TMC2: variants seen among roughly 807,000 people sequenced by gnomAD.
The protein encoded by TMC2 is transmembrane channel-like protein 2.
A neutral mutation model predicts 105.9 loss-of-function variants in TMC2; 102 were observed. The observed-to-expected ratio is 0.96, with a 90% confidence interval of 0.82 to 1.14. The LOEUF is 1.14. TMC2 is among the 50% of genes most tolerant of loss of function. The probability of loss-of-function intolerance (pLI) is 0.00; values close to 1 mark genes in which losing one functional copy is unlikely to be tolerated. For synonymous variants in TMC2, 402 were observed against 422.8 expected, an observed-to-expected ratio of 0.95 and a Z score of 0.60; for missense variants, 1,093 against 1,134.3, an observed-to-expected ratio of 0.96 and a Z score of 0.52.
intron 2 of TMC2, among the ~76,000 whole-genome samples, chr20:2,549,611 C>T (rs1446499867): frequency 7.9e-5 from 12 of 151,408 alleles, no homozygotes; most frequent in Admixed American, 7.2e-4. Context: ...GGCATGGTGG[C>T]GTGTGCCTGT....
Position 2,594,967 on chromosome 20 carries a change from C to G in TMC2, c.1076C>G (p.Ser359Trp). The G allele has an allele frequency of 6.2e-7, 1 of 1,612,828 alleles. No homozygotes were observed. The highest frequency in any genetic ancestry group is 8.5e-7 in the Non-Finnish European group (1 of 1,179,406). ...FGYSLIIVIR[S>W]MASNTQGSTG... ...TACAGCCTGATTATTGTCATTCGAT[C>G]GTAAGTATGACCGTCTCATCCGCAG... Residue 359 changes from serine to tryptophan, a missense_variant and splice_region_variant, in exon 9 of 20, where the codon TCG becomes TGG. Transcript: ENST00000358864.
At chr20:2,573,177 T>C (rs1254048293) in intron 5 of TMC2, among the ~76,000 whole-genome samples, 1 of 152,192 alleles carries the variant, frequency 6.6e-6, no homozygotes, top group Non-Finnish European at 1.5e-5. Flanking sequence ...CTTGCCCATG[T>C]TTCTACATGC....
intron 11 of TMC2, among the ~76,000 whole-genome samples, chr20:2,609,957 C>T (rs534026700): frequency 7.7e-4 from 118 of 152,272 alleles, no homozygotes; most frequent in African/African-American, 2.6e-3. Context: ...AAGCAATTCT[C>T]CTGCCTCAGC....
intron 9 of TMC2, among the ~76,000 whole-genome samples, chr20:2,595,766 G>T (rs780116540): frequency 6.6e-5 from 2 of 30,388 alleles, no homozygotes; most frequent in Non-Finnish European, 1.3e-4. Flanking sequence ...TCCCAGAAGA[G>T]GGTGGCTGTG....
chr20:2,623,252 G>A (rs1335837661), intron 16 of TMC2, among the ~76,000 whole-genome samples: 1 of 151,926 alleles, frequency 6.6e-6, no homozygotes, highest in Non-Finnish European at 1.5e-5. Flanking sequence ...GAGAATAATT[G>A]TCAGGCCGGG....
intron 16 of TMC2, among the ~76,000 whole-genome samples, chr20:2,622,849 T>C (rs1434556318): frequency 6.6e-6 from 1 of 152,162 alleles, no homozygotes. Flanking sequence ...ACACTCAATG[T>C]TTTATATCAA....
At chr20:2,636,074 G>T in intron 18 of TMC2, 70 bp downstream of exon 18, 3 of 1,333,270 alleles carry the variant, frequency 2.3e-6, no homozygotes, top group Non-Finnish European at 3.2e-6. Context: ...CTAATTTGCT[G>T]TGTGAGCCCA....
rs1439329638 is a variant in TMC2 at position 2,579,824 on chromosome 20, A to C, written c.728-126A>C. ...CTCAGGTTATTTATCCAGGAAAAGA[A>C]AGGGAGATCCAGGTGTCATTCAACA... On this transcript the variant is annotated intron_variant, in intron 6 of 19. Transcript: ENST00000358864. 1.2e-5 allele frequency: 7 copies of C among 594,658 alleles called. No homozygotes were observed. The Admixed American group carries it at 2.2e-4, about 19-fold the overall frequency. The allele number at this position is 594,658 out of a possible 1,614,324, so 36.8% of individuals were successfully genotyped here.
At chr20:2,590,384 T>A (rs891502448) in intron 7 of TMC2, among the ~76,000 whole-genome samples, 4 of 152,156 alleles carry the variant, frequency 2.6e-5, no homozygotes, top group African/African-American at 7.2e-5. Flanking sequence ...AGTGGATATA[T>A]AGTAGTTAAT....
Position 2,592,444 on chromosome 20 carries a change from T to A in TMC2, c.933+36T>A. 7.2e-7 allele frequency: 1 copy of A among 1,393,254 alleles called. No homozygotes were observed. Among genetic ancestry groups the A allele is most frequent in the Non-Finnish European group, 1.0e-6 (1 of 978,534 alleles). The allele number at this position is 1,393,254 out of a possible 1,614,324, so 86.3% of individuals were successfully genotyped here. Reference sequence around the variant, plus strand: ...CAACATGCCAATGAACTTCCATTTGTGATTATAAAGGCTAAAGATTGCATG... The same window carrying A: ...CAACATGCCAATGAACTTCCATTTGAGATTATAAAGGCTAAAGATTGCATG... On this transcript the variant is annotated intron_variant, in intron 8 of 19. Coordinates refer to ENST00000358864, the MANE Select transcript of TMC2 (RefSeq NM_080751.3). This position sits in a 1 kb window ranked among gnomAD's most constrained non-coding sequence, Gnocchi z 4.9.
At chr20:2,575,859 TG>T (rs928652735) in intron 5 of TMC2, among the ~76,000 whole-genome samples, 42 of 152,354 alleles carry the variant, frequency 2.8e-4, no homozygotes, top group Admixed American at 7.8e-4. Flanking sequence ...TTTTGTCTAA[TG>T]TTTTTTTCAT....
chr20:2,548,933 C>T lies in TMC2; in HGVS notation c.83-9523C>T, dbSNP rs144136066. 1.2e-4 allele frequency among the ~76,000 whole-genome samples: 19 copies of T among 152,286 alleles called. No homozygotes were observed. The East Asian group carries it at 2.3e-3, about 19-fold the overall frequency. On this transcript the variant is annotated intron_variant, in intron 2 of 19. Coordinates refer to ENST00000358864, the MANE Select transcript of TMC2 (RefSeq NM_080751.3). ...ACAACATACTCAAGTAGAATAAAAA[C>T]GTAAGCTAGTCTTTTACTTAATGCT...
In TMC2 at chr20:2,602,281, A is replaced by G. The variant is rs756166682; in HGVS notation, c.1393A>G (p.Ser465Gly). 1.2e-6 allele frequency: 2 copies of G among 1,603,850 alleles called. No individual in the cohort carries two copies. The highest frequency in any genetic ancestry group is 3.4e-5 in the Admixed American group (2 of 57,990). Residue 465 changes from serine (S) to glycine (G), a missense_variant, in exon 11 of 20, where the codon AGC becomes GGC. Ser to Gly is a moderately conservative substitution (Grantham distance 56, BLOSUM62 0). Coordinates refer to ENST00000358864, the MANE Select transcript of TMC2 (RefSeq NM_080751.3). ...SQQFSKMQNV[S>G]WYERNEVEIV... ...GCAATTCTCCAAAATGCAGAATGTC[A>G]GCTGGTATGAAAGGAATGAGGTAAG...
intron 4 of TMC2, 86 bp from the exon 5 acceptor site, chr20:2,572,093 C>A: frequency 1.0e-6 from 1 of 992,986 alleles, no homozygotes; most frequent in South Asian, 1.3e-5. Context: ...CATAAGCCTT[C>A]ACACATGTGT....
intron 7 of TMC2, among the ~76,000 whole-genome samples, chr20:2,589,325 G>GTGTGTGTGTGTGTGT (rs2086253293): frequency 3.5e-5 from 1 of 28,690 alleles, no homozygotes; most frequent in African/African-American, 1.9e-4. Flanking sequence ...TGTGTGTGTG[G>GTGTGTGTGTGTGTGT]AGATGGGGTT....
At chr20:2,624,062 C>T (rs531647812) in intron 16 of TMC2, among the ~76,000 whole-genome samples, 30 of 152,336 alleles carry the variant, frequency 2.0e-4, no homozygotes, top group Non-Finnish European at 2.6e-4. Context: ...GCCGGTGAGC[C>T]GTGTGCCGAC....
Position 2,565,616 on chromosome 20 carries a change from TAA to T in TMC2, c.554+3608_554+3609del, listed in dbSNP as rs544801113. On this transcript the variant is annotated intron_variant, in intron 4 of 19. Coordinates refer to ENST00000358864, the MANE Select transcript of TMC2 (RefSeq NM_080751.3). ...CCAGTATGATTTCTTCTTCTGAAAATAAAGTCTCCAGTTGCAGACGGCATCCC... is the reference window on the plus strand; with the variant it reads ...CCAGTATGATTTCTTCTTCTGAAAATAGTCTCCAGTTGCAGACGGCATCCC... 2.0e-4 allele frequency among the ~76,000 whole-genome samples: 30 copies of T among 152,288 alleles called. No individual in the cohort carries two copies. In the East Asian group the frequency reaches 4.8e-3, roughly 24 times the overall value.
At chr20:2,572,090 C>T in intron 4 of TMC2, 89 bp from the exon 5 acceptor site, 2 of 971,422 alleles carry the variant, frequency 2.1e-6, no homozygotes, top group Non-Finnish European at 1.6e-6. Context: ...AGACATAAGC[C>T]TTCACACATG....
rs567511477 is a variant in TMC2, at chr20:2,623,317, C to G, written c.2181-954C>G. Among the ~76,000 whole-genome samples the G allele has an allele frequency of 2.6e-5, 4 of 152,076 alleles. No individual in the cohort carries two copies. In the East Asian group the frequency reaches 7.7e-4, roughly 29 times the overall value. On this transcript the variant is annotated intron_variant, in intron 16 of 19. Transcript: ENST00000358864. ...CTTTGGGAGGCTGAGGTGGGCGGAT[C>G]ATTTGAGGTCAGAAGTTTGAGAGCA...
Sources: allele counts gnomAD v4.1 joint callset (sites outside exome capture counted in the v4.1 genomes callset), GRCh38; gene constraint gnomAD v4.1.1; non-coding constraint Gnocchi (gnomAD v3.1); transcripts MANE v1.5; gene names NCBI Gene and HGNC (gene_info 2026-07-23, HGNC 2026-07-21).